Variants in ROCK1 observed in about 807,000 individuals in gnomAD.
ROCK1 encodes rho-associated protein kinase 1.
In ROCK1, 36 loss-of-function variants were observed where a neutral mutation model predicts 196.8. The ratio of observed to expected loss-of-function variants is 0.18; its 90% CI spans 0.14 to 0.24. ROCK1 has a LOEUF of 0.24. Among genes scored for constraint, ROCK1 ranks in the 10% least tolerant of loss-of-function variants. The pLI, the probability that ROCK1 is intolerant of heterozygous loss-of-function variation, is 1.00. For synonymous variants in ROCK1, 443 were observed against 515.9 expected (o/e 0.86, Z 1.91); for missense variants, 920 against 1,562.0 (o/e 0.59, Z 6.93).
At position 20,980,071 on chromosome 18, in the gene ROCK1, A is replaced by G. The variant is rs757057664; in HGVS notation, c.2560-67T>C. 10 of 1,417,028 alleles carry G rather than the reference A, an allele frequency of 7.1e-6. 1 individual carries two copies. In the South Asian group the frequency reaches 1.5e-4, roughly 21 times the overall value. 87.8% of individuals were successfully genotyped at this position (1,417,028 alleles called of 1,614,324 possible). On this transcript the variant is annotated intron_variant, in intron 21 of 32. Transcript: ENST00000399799. ...GTTAAAAACAATTTGGCAGTTTCTT[A>G]TAAATTTAAAAAATTAACATATGAT...
chr18:21,092,591 A>AAAAAAAAAAAAAAC, intron 1 of ROCK1, among the ~76,000 whole-genome samples: 1 of 151,596 alleles, frequency 6.6e-6, no homozygotes. Context: ...AAAAAAAAAA[A>AAAAAAAAAAAAAAC]AAAAAAAAAA....
At chr18:21,027,014 C>T (rs1192656447) in intron 10 of ROCK1, among the ~76,000 whole-genome samples, 1 of 151,126 alleles carries the variant, frequency 6.6e-6, no homozygotes. Flanking sequence ...TCTAGGCTCA[C>T]TGTAACCTCC....
At chr18:21,077,485 G>C (rs1341127043) in intron 1 of ROCK1, among the ~76,000 whole-genome samples, 1 of 152,110 alleles carries the variant, frequency 6.6e-6, no homozygotes, top group South Asian at 2.1e-4. Context: ...TGCTCATAAA[G>C]GCTACAAGGA....
chr18:21,043,784 A>G (rs900700604), intron 6 of ROCK1, among the ~76,000 whole-genome samples: 9 of 152,036 alleles, frequency 5.9e-5, no homozygotes, highest in African/African-American at 1.7e-4. Context: ...TAACACTGGC[A>G]TAAGTATTTA....
Position 20,953,544 on chromosome 18 carries a change from CATTGTTAAAAACGTTA to C in ROCK1, c.4061+18_4061+33del, listed in dbSNP as rs2035210926. On this transcript the variant is annotated intron_variant, in intron 32 of 32. Coordinates refer to ENST00000399799, the MANE Select transcript of ROCK1 (RefSeq NM_005406.3). ...AATAGCTGTTATCCAATCATTTTCACATTGTTAAAAACGTTAGCATTTCAAATCCTTACCTAGTTTT... is the reference window on the plus strand; with the variant it reads ...AATAGCTGTTATCCAATCATTTTCACGCATTTCAAATCCTTACCTAGTTTT... The C allele has an allele frequency of 6.8e-7, 1 of 1,472,798 alleles. No individual in the cohort carries two copies. Among genetic ancestry groups the C allele is most frequent in the African/African-American group, 1.4e-5 (1 of 69,544 alleles). The allele number at this position is 1,472,798 out of a possible 1,614,324, so 91.2% of individuals were successfully genotyped here.
chr18:21,090,172 A>T (rs2036558273), intron 1 of ROCK1, among the ~76,000 whole-genome samples: 1 of 152,248 alleles, frequency 6.6e-6, no homozygotes, highest in African/African-American at 2.4e-5. Context: ...TCCTTGAATT[A>T]TGCAGCCAAA....
At chr18:21,017,186 CTTTTTTTTTTT>C (rs774542704) in intron 12 of ROCK1, among the ~76,000 whole-genome samples, 12 of 99,088 alleles carry the variant, frequency 1.2e-4, no homozygotes, top group African/African-American at 4.2e-4. Context: ...TACCACACTT[CTTTTTTTTTTT>C]TTTTTTTTTT....
chr18:21,006,565 T>A lies in ROCK1; in HGVS notation c.1671A>T (p.Glu557Asp). The A allele has an allele frequency of 6.2e-7, 1 of 1,613,864 alleles. No individual in the cohort carries two copies. Among genetic ancestry groups the A allele is most frequent in the Non-Finnish European group, 8.5e-7 (1 of 1,179,902 alleles). ...TCCTCAATCTTACAGCTGTGTCCGA[T>A]TCTGTCCTAAGTAAGTCATTGGCTT... is the stretch of plus-strand genomic sequence containing the variant. ...LEEANDLLRT[E>D]SDTAVRLRKS... The change falls in exon 16 of 33, where the codon GAA becomes GAT. Residue 557 changes from glutamate (E) to aspartate (D), a missense_variant. Around this residue, in one of 6 missense-constraint regions of ROCK1, gnomAD observed 520 missense variants for 657.1 expected, o/e 0.79. Transcript: ENST00000399799.
At position 20,970,480 on chromosome 18, in the gene ROCK1, T is replaced by C. The variant is rs750403015; in HGVS notation, c.2688A>G (p.Glu896=). The change falls in exon 23 of 33, where the codon GAA becomes GAG. Residue 896 remains glutamate (E), a synonymous_variant. Coordinates refer to ENST00000399799, the MANE Select transcript of ROCK1 (RefSeq NM_005406.3). ...CCAACTGCTCAGACTCAGCTTTTGTTTCTGCTAGATCCAACTGAGTAGCAA... is the reference window on the plus strand; with the variant it reads ...CCAACTGCTCAGACTCAGCTTTTGTCTCTGCTAGATCCAACTGAGTAGCAA... ...ETLATQLDLA[E]TKAESEQLAR... 1 of 1,613,452 alleles carries C rather than the reference T, an allele frequency of 6.2e-7. No homozygotes were observed. The highest frequency in any genetic ancestry group is 8.5e-7 in the Non-Finnish European group (1 of 1,179,472).
intron 2 of ROCK1, among the ~76,000 whole-genome samples, chr18:21,068,162 T>C (rs2036353649): frequency 6.6e-6 from 1 of 152,242 alleles, no homozygotes; most frequent in Non-Finnish European, 1.5e-5. Context: ...GTGGCAAATA[T>C]GTTCTATGTT....
chr18:21,006,329 C>A (rs1334115777), intron 16 of ROCK1, 22 bp downstream of exon 16: 2 of 1,578,176 alleles, frequency 1.3e-6, no homozygotes, highest in Non-Finnish European at 1.7e-6. Flanking sequence ...GTATATTTTA[C>A]CACAATAAGA....
At chr18:21,007,951 A>T in intron 14 of ROCK1, 108 bp downstream of exon 14, 1 of 610,986 alleles carries the variant, frequency 1.6e-6, no homozygotes, top group Non-Finnish European at 2.4e-6. Context: ...TAGCTTATAA[A>T]GTGTCTTAGG....
At position 21,029,054 on chromosome 18, in the gene ROCK1, C is replaced by T. The variant is rs2035984759; in HGVS notation, c.1052-119G>A. ...ATAAAACCTTGCAAACCACAAATTC[C>T]ACCTGGCTTGAATCCTATTACATCA... On this transcript the variant is annotated intron_variant, in intron 9 of 32. Transcript: ENST00000399799. 35 of 925,396 alleles carry T rather than the reference C, an allele frequency of 3.8e-5. No homozygotes were observed. The South Asian group carries it at 5.4e-4, about 14-fold the overall frequency. The allele number at this position is 925,396 out of a possible 1,614,324, so 57.3% of individuals were successfully genotyped here. A position where few individuals can be genotyped will look rare whatever the true frequency, so the allele number is the denominator to read the frequency against.
chr18:21,045,206 G>A, intron 5 of ROCK1, 86 bp downstream of exon 5: 1 of 1,200,316 alleles, frequency 8.3e-7, no homozygotes, highest in Non-Finnish European at 1.1e-6. Context: ...GAAGAAGAAT[G>A]GGTGAACTGA....
At chr18:20,980,864 C>T (rs1433344345) in intron 21 of ROCK1, among the ~76,000 whole-genome samples, 1 of 136,688 alleles carries the variant, frequency 7.3e-6, no homozygotes, top group East Asian at 2.2e-4. Flanking sequence ...TGCAGTGAGC[C>T]AAGATCATGC....
intron 2 of ROCK1, among the ~76,000 whole-genome samples, chr18:21,069,410 TA>T (rs918400643): frequency 1.5e-4 from 23 of 152,098 alleles, no homozygotes; most frequent in African/African-American, 5.5e-4. Flanking sequence ...TGTACAGGTT[TA>T]CCAGTTAAAA....
chr18:21,039,581 G>A lies in ROCK1; in HGVS notation c.960-18C>T. 1 of 1,542,840 alleles carries A rather than the reference G, an allele frequency of 6.5e-7. No homozygotes were observed. The highest frequency in any genetic ancestry group is 9.0e-7 in the Non-Finnish European group (1 of 1,115,930). ...TCACTTCCCTGAATAATGACAGAAG[G>A]AGAAAAGTAATCAATCATTTAAGAT... On this transcript the variant is annotated intron_variant, in intron 8 of 32. Coordinates refer to ENST00000399799, the MANE Select transcript of ROCK1 (RefSeq NM_005406.3).
intron 18 of ROCK1, among the ~76,000 whole-genome samples, chr18:20,989,039 T>C (rs2035600721): frequency 6.6e-6 from 1 of 152,130 alleles, no homozygotes; most frequent in Non-Finnish European, 1.5e-5. Context: ...TTAAAGATTC[T>C]ATATATACAA....
At chr18:21,056,624 T>C (rs778479822) in intron 2 of ROCK1, among the ~76,000 whole-genome samples, 4 of 152,228 alleles carry the variant, frequency 2.6e-5, no homozygotes, top group East Asian at 1.9e-4. Context: ...GGTGATGTTC[T>C]TAAAACACAA....
Sources: allele counts gnomAD v4.1 joint callset (sites outside exome capture counted in the v4.1 genomes callset), GRCh38; gene constraint gnomAD v4.1.1; regional missense constraint gnomAD v4.1.1; transcripts MANE v1.5; gene names NCBI Gene and HGNC (gene_info 2026-07-23, HGNC 2026-07-21).